The following ANO3 variants were observed in gnomAD, a reference collection of about 807,000 sequenced individuals.
ANO3 encodes the protein anoctamin 3, also known as anoctamin-3.
Under a neutral mutation model 144.8 loss-of-function variants are expected in ANO3, and 99 were observed. The ratio of observed to expected loss-of-function variants is 0.68; its 90% CI spans 0.58 to 0.81. ANO3 has a LOEUF of 0.81. Ranked by LOEUF, ANO3 falls within the 30% of genes least tolerant of loss-of-function variation. ANO3 has a pLI of 0.00. For synonymous variants in ANO3, 414 were observed against 392.6 expected (o/e 1.05, Z -0.64); for missense variants, 905 against 1,202.2 (o/e 0.75, Z 3.66).
chr11:26,476,932 T>TGTGAGA (rs1334120290), intron 4 of ANO3, among the ~76,000 whole-genome samples: 1 of 133,958 alleles, frequency 7.5e-6, no homozygotes, highest in Admixed American at 7.4e-5. Flanking sequence ...TGTGTGTGTG[T>TGTGAGA]GAGAGAGAGA....
intron 1 of ANO3, among the ~76,000 whole-genome samples, chr11:26,410,398 T>C (rs907837663): frequency 2.6e-5 from 4 of 151,970 alleles, no homozygotes; most frequent in African/African-American, 9.7e-5. Context: ...AAGTATACAC[T>C]GAGTAGTTGA....
chr11:26,624,742 C>T (rs1327891069), intron 18 of ANO3, among the ~76,000 whole-genome samples: 5 of 152,120 alleles, frequency 3.3e-5, no homozygotes, highest in African/African-American at 1.2e-4. Context: ...CTTAGGAGTG[C>T]TTGCTTCTCC....
rs371876914 is a variant in ANO3 at position 26,210,660 on chromosome 11, G to C, written c.154+21330G>C. ...TGTTTGTGTCCTCTCTTATTTCCTT[G>C]AGCAGTGGTTTGTAGTTCTCCTTGA... On this transcript the variant is annotated intron_variant, in intron 1 of 27. Coordinates refer to the ANO3 transcript ENST00000672621. 2.8e-4 allele frequency among the ~76,000 whole-genome samples: 43 copies of C among 152,194 alleles called. No individual in the cohort carries two copies. In the South Asian group the frequency reaches 8.9e-3, roughly 32 times the overall value.
At chr11:26,481,926 C>T (rs1449509950) in intron 4 of ANO3, among the ~76,000 whole-genome samples, 1 of 152,062 alleles carries the variant, frequency 6.6e-6, no homozygotes, top group African/African-American at 2.4e-5. Context: ...CTATGTCTCA[C>T]TCTTCACCTA....
At chr11:26,419,164 G>C (rs566235367) in intron 1 of ANO3, among the ~76,000 whole-genome samples, 1 of 152,204 alleles carries the variant, frequency 6.6e-6, no homozygotes, top group South Asian at 2.1e-4. Context: ...GGGAGGAAGA[G>C]AGAGAAAGGG....
chr11:26,248,935 T>A (rs1039880301), intron 1 of ANO3, among the ~76,000 whole-genome samples: 2 of 152,256 alleles, frequency 1.3e-5, no homozygotes, highest in South Asian at 4.2e-4. Flanking sequence ...ATGCAAAGGA[T>A]CTAGGTTGTG....
intron 1 of ANO3, among the ~76,000 whole-genome samples, chr11:26,245,893 C>G (rs11029421): frequency 9.9e-5 from 15 of 151,964 alleles, no homozygotes; most frequent in Non-Finnish European, 1.9e-4. Context: ...GAGCAGGCAA[C>G]GGTTTGTGAC....
intron 1 of ANO3, among the ~76,000 whole-genome samples, chr11:26,415,711 G>C (rs942552504): frequency 2.0e-5 from 3 of 152,064 alleles, no homozygotes; most frequent in African/African-American, 7.2e-5. Context: ...AAGGAGCAGT[G>C]ACTTCTTGAA....
intron 1 of ANO3, among the ~76,000 whole-genome samples, chr11:26,315,361 C>T (rs1194166605): frequency 6.6e-6 from 1 of 152,164 alleles, no homozygotes; most frequent in Non-Finnish European, 1.5e-5. Context: ...CTCTGAAAGT[C>T]TCTGCTGCAA....
intron 1 of ANO3, among the ~76,000 whole-genome samples, chr11:26,339,081 C>T (rs1855278462): frequency 1.3e-5 from 2 of 151,972 alleles, no homozygotes; most frequent in African/African-American, 4.8e-5. Flanking sequence ...AACTTACATG[C>T]ATTGCAAGTT....
intron 1 of ANO3, among the ~76,000 whole-genome samples, chr11:26,439,717 T>C (rs1370934990): frequency 1.3e-5 from 2 of 152,176 alleles, no homozygotes; most frequent in South Asian, 2.1e-4. Context: ...AGACATAATA[T>C]ATAATGTGAC....
chr11:26,499,761 A>T (rs1861115831), intron 4 of ANO3, among the ~76,000 whole-genome samples: 1 of 151,978 alleles, frequency 6.6e-6, no homozygotes, highest in Non-Finnish European at 1.5e-5. Context: ...TGCATTTTAC[A>T]ATCAAAAAAT....
chr11:26,569,582 C>A (rs566178807), intron 14 of ANO3, among the ~76,000 whole-genome samples: 1 of 151,958 alleles, frequency 6.6e-6, no homozygotes, highest in Non-Finnish European at 1.5e-5. Context: ...GAGATTTGGC[C>A]GAAGTTTGAC....
Position 26,660,559 on chromosome 11 carries a change from T to C in ANO3, c.*115T>C, listed in dbSNP as rs1388734526. The stretch of plus-strand genomic sequence containing the variant: ...TACTTGGCAAACCACATGTATAATA[T>C]GCTACTTGGAAATGTATCACAGCCA... On this transcript the variant is annotated 3_prime_UTR_variant, in exon 27 of 27. Coordinates refer to ENST00000256737, the MANE Select transcript of ANO3 (RefSeq NM_031418.4). 5 of 881,156 alleles carry C rather than the reference T, an allele frequency of 5.7e-6. No individual in the cohort carries two copies. The African/African-American group carries it at 8.6e-5, about 15-fold the overall frequency. 54.6% of individuals were successfully genotyped at this position (881,156 alleles called of 1,614,324 possible).
intron 1 of ANO3, among the ~76,000 whole-genome samples, chr11:26,412,615 C>A (rs576157597): frequency 6.6e-6 from 1 of 152,110 alleles, no homozygotes; most frequent in Non-Finnish European, 1.5e-5. Flanking sequence ...ACTGACCAAA[C>A]CACTGTGGAG....
intron 1 of ANO3, among the ~76,000 whole-genome samples, chr11:26,433,829 A>G (rs920202883): frequency 6.6e-6 from 1 of 152,164 alleles, no homozygotes; most frequent in Admixed American, 6.6e-5. Flanking sequence ...TTTTGCATCA[A>G]TGTTCATCAA....
chr11:26,276,355 G>A (rs1256888780), intron 1 of ANO3, among the ~76,000 whole-genome samples: 2 of 152,132 alleles, frequency 1.3e-5, no homozygotes, highest in African/African-American at 4.8e-5. Flanking sequence ...ATCCCCAGGT[G>A]AGTCTGAATC....
chr11:26,430,494 G>A (rs771220651), intron 1 of ANO3, among the ~76,000 whole-genome samples: 31 of 152,074 alleles, frequency 2.0e-4, no homozygotes, highest in Admixed American at 3.9e-4. Context: ...CAATTAAAGT[G>A]CTGTCAGGAA....
At chr11:26,368,537 A>G (rs1195751271) in intron 1 of ANO3, among the ~76,000 whole-genome samples, 1 of 152,090 alleles carries the variant, frequency 6.6e-6, no homozygotes, top group Non-Finnish European at 1.5e-5. Context: ...CCATATGTGT[A>G]AGGAAAGGAA....
Sources: gnomAD v4.1 joint callset for allele counts (sites outside exome capture counted in the v4.1 genomes callset) on GRCh38, gnomAD v4.1.1 for gene constraint, MANE v1.5 for transcripts, NCBI Gene and HGNC (gene_info 2026-07-23, HGNC 2026-07-21) for gene names.